Variants in ASTN2 observed in about 807,000 individuals in gnomAD.
ASTN2 encodes the protein astrotactin 2, also known as astrotactin-2.
A neutral mutation model predicts 139.8 loss-of-function variants in ASTN2; 54 were observed. That is an observed-to-expected ratio of 0.39 (90% CI 0.31 to 0.48). ASTN2 has a LOEUF of 0.48. Among genes scored for constraint, ASTN2 ranks in the 20% least tolerant of loss-of-function variants. ASTN2 has a pLI of 0.95. For missense variants in ASTN2, 1,565 were observed against 1,725.1 expected, an observed-to-expected ratio of 0.91 and a Z score of 1.64; for synonymous variants, 756 against 719.5, an observed-to-expected ratio of 1.05 and a Z score of -0.81.
chr9:116,935,570 A>AAAAGCAG (rs1835042973), intron 10 of ASTN2, among the ~76,000 whole-genome samples: 2 of 152,216 alleles, frequency 1.3e-5, no homozygotes, highest in African/African-American at 2.4e-5. Context: ...GCAAAAAGCA[A>AAAAGCAG]AAAAAAGAAA....
chr9:116,802,898 C>T (rs1438931792), intron 13 of ASTN2, among the ~76,000 whole-genome samples: 1 of 152,230 alleles, frequency 6.6e-6, no homozygotes, highest in Non-Finnish European at 1.5e-5. Context: ...TAACTCTTAT[C>T]TGTCCCAAGA....
intron 2 of ASTN2, among the ~76,000 whole-genome samples, chr9:117,230,231 T>C (rs1832849613): frequency 6.7e-6 from 1 of 150,346 alleles, no homozygotes; most frequent in South Asian, 2.1e-4. Context: ...GTGTTAGATA[T>C]TTATCTCTCT....
At chr9:117,243,150 T>C (rs1833265532) in intron 2 of ASTN2, among the ~76,000 whole-genome samples, 1 of 152,204 alleles carries the variant, frequency 6.6e-6, no homozygotes, top group Admixed American at 6.5e-5. Flanking sequence ...GGTCATGTGA[T>C]ATGGACAAAG....
intron 20 of ASTN2, among the ~76,000 whole-genome samples, chr9:116,461,477 C>T (rs2118967395): frequency 6.6e-6 from 1 of 152,202 alleles, no homozygotes; most frequent in South Asian, 2.1e-4. Flanking sequence ...CACACATGCA[C>T]ACACACATAT....
chr9:116,687,030 A>T lies in ASTN2; in HGVS notation c.2807-35237T>A, dbSNP rs1348414139. The T allele has an allele frequency of 2.9e-6, 4 of 1,371,368 alleles. No individual in the cohort carries two copies. In the African/African-American group the frequency reaches 5.8e-5, roughly 20 times the overall value. The allele number at this position is 1,371,368 out of a possible 1,614,324, so 84.9% of individuals were successfully genotyped here. ...GTGAAGGGGTAGACATTGAGACTGGAGTCAGATACGCATTCTGGCTTATCT... is the reference window on the plus strand; with the variant it reads ...GTGAAGGGGTAGACATTGAGACTGGTGTCAGATACGCATTCTGGCTTATCT... On this transcript the variant is annotated intron_variant, in intron 16 of 22. Transcript: ENST00000313400.
At chr9:117,326,865 A>T (rs868228771) in intron 1 of ASTN2, among the ~76,000 whole-genome samples, 10 of 152,174 alleles carry the variant, frequency 6.6e-5, no homozygotes, top group Admixed American at 3.3e-4. Flanking sequence ...ATGACACTTG[A>T]TATGGAATTT....
At chr9:117,355,853 A>G (rs1298684424) in intron 1 of ASTN2, among the ~76,000 whole-genome samples, 1 of 152,196 alleles carries the variant, frequency 6.6e-6, no homozygotes, top group Non-Finnish European at 1.5e-5. Context: ...GCTCAGCTTC[A>G]GGCTGCAGTA....
chr9:116,461,003 G>A (rs1047724777), intron 20 of ASTN2, among the ~76,000 whole-genome samples: 19 of 151,992 alleles, frequency 1.3e-4, no homozygotes, highest in Non-Finnish European at 2.8e-4. Flanking sequence ...TCAATCTAGT[G>A]GGGGAATTCA....
intron 5 of ASTN2, among the ~76,000 whole-genome samples, chr9:117,095,461 T>C (rs1469725131): frequency 6.6e-6 from 1 of 152,232 alleles, no homozygotes; most frequent in Non-Finnish European, 1.5e-5. Flanking sequence ...ATTTTATCTG[T>C]TGAAGAAACT....
At chr9:117,254,502 G>A (rs1420585107) in intron 2 of ASTN2, among the ~76,000 whole-genome samples, 1 of 152,128 alleles carries the variant, frequency 6.6e-6, no homozygotes, top group Non-Finnish European at 1.5e-5. Context: ...GTTAGACAAT[G>A]GTGAGACACA....
chr9:117,012,314 G>C (rs905669804), intron 6 of ASTN2, among the ~76,000 whole-genome samples: 2 of 152,096 alleles, frequency 1.3e-5, no homozygotes, highest in African/African-American at 4.8e-5. Flanking sequence ...TCACCCAATG[G>C]GCTCATGATG....
chr9:116,827,315 A>C (rs7466477), intron 11 of ASTN2, among the ~76,000 whole-genome samples: 725 of 8,822 alleles, frequency 0.082, 3 homozygotes, highest in African/African-American at 0.16. Flanking sequence ...ATCCCCCCCA[A>C]AAAAAAAAAA....
chr9:116,831,624 A>G (rs1034498655), intron 11 of ASTN2, among the ~76,000 whole-genome samples: 8 of 152,176 alleles, frequency 5.3e-5, no homozygotes, highest in Non-Finnish European at 1.0e-4. Flanking sequence ...GAATAAAGAT[A>G]AAAGTATAAT....
chr9:117,217,928 T>C (rs1832381557), intron 2 of ASTN2, among the ~76,000 whole-genome samples: 1 of 152,214 alleles, frequency 6.6e-6, no homozygotes, highest in African/African-American at 2.4e-5. Flanking sequence ...GCTCTTTCAT[T>C]CACCTTTACA....
chr9:116,825,999 G>A (rs1043299920), intron 11 of ASTN2, among the ~76,000 whole-genome samples: 3 of 152,206 alleles, frequency 2.0e-5, no homozygotes, highest in African/African-American at 7.2e-5. Flanking sequence ...GCTGCAGGCT[G>A]CTATTGAGAC....
chr9:116,874,021 G>A (rs10759872), intron 10 of ASTN2, among the ~76,000 whole-genome samples: 5 of 151,910 alleles, frequency 3.3e-5, no homozygotes, highest in South Asian at 2.1e-4. Context: ...AGAAACAAAC[G>A]AATGCCTCTG....
Position 117,298,738 on chromosome 9 carries a change from A to G in ASTN2, c.443-7225T>C, listed in dbSNP as rs551061417. On this transcript the variant is annotated intron_variant, in intron 1 of 22. Coordinates refer to ENST00000313400, the MANE Select transcript of ASTN2 (RefSeq NM_001365068.1). ...TGTGTGTGTGTGTGTGTGTGTATAT[A>G]TATATATCTTAAAATAGTCTATACA... Among the ~76,000 whole-genome samples, 42 of 148,530 alleles carry G rather than the reference A, an allele frequency of 2.8e-4. No individual in the cohort carries two copies. In the East Asian group the frequency reaches 5.5e-3, roughly 19 times the overall value.
chr9:116,684,791 C>T (rs1018037841), intron 16 of ASTN2, among the ~76,000 whole-genome samples: 1 of 152,166 alleles, frequency 6.6e-6, no homozygotes, highest in African/African-American at 2.4e-5. Context: ...TAAGGTGTTA[C>T]AAAACCCAAA....
At chr9:116,946,864 C>T (rs1010140166) in intron 10 of ASTN2, among the ~76,000 whole-genome samples, 4 of 149,282 alleles carry the variant, frequency 2.7e-5, no homozygotes, top group African/African-American at 5.0e-5. Flanking sequence ...CCATGCCACC[C>T]CCAACCTCCA....
Sources: gnomAD v4.1 joint callset for allele counts (sites outside exome capture counted in the v4.1 genomes callset) on GRCh38, gnomAD v4.1.1 for gene constraint, MANE v1.5 for transcripts, NCBI Gene and HGNC (gene_info 2026-07-23, HGNC 2026-07-21) for gene names.